GRM5: variants seen among roughly 807,000 people sequenced by gnomAD.
The protein encoded by GRM5 is glutamate metabotropic receptor 5, also known as metabotropic glutamate receptor 5.
GRM5 carries 19 observed loss-of-function variants against 83.1 expected under a neutral mutation model. The ratio of observed to expected loss-of-function variants is 0.23; its 90% confidence interval spans 0.16 to 0.34. The LOEUF (loss-of-function observed/expected upper bound fraction) is 0.34. Among genes scored for constraint, GRM5 ranks in the 10% least tolerant of loss-of-function variants. The probability of loss-of-function intolerance (pLI) is 1.00; values close to 1 mark genes in which losing one functional copy is unlikely to be tolerated. For missense variants in GRM5, 1,160 were observed against 1,588.3 expected, an observed-to-expected ratio of 0.73 and a Z score of 4.58; for synonymous variants, 675 against 633.6, an observed-to-expected ratio of 1.07 and a Z score of -0.98.
chr11:88,961,590 A>C (rs1435110208), intron 2 of GRM5, among the ~76,000 whole-genome samples: 1 of 152,192 alleles, frequency 6.6e-6, no homozygotes, highest in Non-Finnish European at 1.5e-5. Flanking sequence ...TTTAATGAGA[A>C]GTATGGGCAA....
Position 88,932,302 on chromosome 11 carries a change from A to G in GRM5, c.662-82147T>C, listed in dbSNP as rs549323918. 1.2e-4 allele frequency among the ~76,000 whole-genome samples: 19 copies of G among 152,190 alleles called. No individual in the cohort carries two copies. The South Asian group carries it at 3.9e-3, about 32-fold the overall frequency. ...GGATGCACAAATTAAAAAGAATCTT[A>G]TGTTAGTATATATAAACACAAATAT... On this transcript the variant is annotated intron_variant, in intron 2 of 9. Coordinates refer to ENST00000305447, the MANE Select transcript of GRM5 (RefSeq NM_001143831.3).
intron 4 of GRM5, among the ~76,000 whole-genome samples, chr11:88,648,178 T>A (rs974624830): frequency 5.3e-5 from 8 of 152,098 alleles, no homozygotes; most frequent in African/African-American, 9.6e-5. Context: ...ACTATAAATC[T>A]TGCTGCTATA....
chr11:88,753,466 C>T (rs1942327727), intron 3 of GRM5, among the ~76,000 whole-genome samples: 1 of 150,214 alleles, frequency 6.7e-6, no homozygotes, highest in South Asian at 2.1e-4. Flanking sequence ...ATGGCGAGAT[C>T]GTTGGTAGAA....
chr11:88,570,805 G>C (rs1445402461), intron 7 of GRM5, among the ~76,000 whole-genome samples: 1 of 151,206 alleles, frequency 6.6e-6, no homozygotes, highest in Non-Finnish European at 1.5e-5. Context: ...TGCCCTGAGT[G>C]ATCCACCTTC....
chr11:88,808,910 T>C (rs1255032086), intron 3 of GRM5, among the ~76,000 whole-genome samples: 3 of 152,018 alleles, frequency 2.0e-5, no homozygotes, highest in Non-Finnish European at 4.4e-5. Context: ...TTATGAGAAA[T>C]AATTGTTTGG....
chr11:88,512,333 G>A (rs1431860060), intron 9 of GRM5: 4 of 154,306 alleles, frequency 2.6e-5, no homozygotes, highest in East Asian at 1.9e-4. Context: ...GACACCCAGA[G>A]AAATGGAGTC....
rs1941278182 is a variant in GRM5, at chr11:88,509,131, G to A, written c.3100C>T (p.Arg1034Cys). 1.3e-6 allele frequency: 2 copies of A among 1,542,722 alleles called. No individual in the cohort carries two copies. Among genetic ancestry groups the A allele is most frequent in the Non-Finnish European group, 1.7e-6 (2 of 1,144,900 alleles). The change falls in exon 10 of 10, where the codon CGC becomes TGC. Residue 1034 changes from arginine (R) to cysteine (C), a missense_variant. Transcript: ENST00000305447. Reference protein sequence around the residue: ...TLSHRAGSASRTDDDVPSLHS... With the variant: ...TLSHRAGSASCTDDDVPSLHS... ...AGCGACGGCACATCGTCGTCCGTGC[G>A]GCTGGCCGAGCCCGCGCGGTGGCTC...
Position 88,970,166 on chromosome 11 carries a change from T to C in GRM5, c.661+77046A>G, listed in dbSNP as rs573201893. ...ATATTAGTTTAAGATGTTGTGTGTGTTTGTGTAACTTGAATAAGCTTCTGT... is the reference window on the plus strand; with the variant it reads ...ATATTAGTTTAAGATGTTGTGTGTGCTTGTGTAACTTGAATAAGCTTCTGT... On this transcript the variant is annotated intron_variant, in intron 2 of 9. Transcript: ENST00000305447. Among the ~76,000 whole-genome samples the C allele has an allele frequency of 4.6e-5, 7 of 152,244 alleles. 1 individual carries two copies. In the South Asian group the frequency reaches 1.2e-3, roughly 27 times the overall value.
intron 6 of GRM5, among the ~76,000 whole-genome samples, chr11:88,596,755 T>C (rs1175683616): frequency 6.6e-6 from 1 of 152,126 alleles, no homozygotes; most frequent in Non-Finnish European, 1.5e-5. Context: ...TGATATTGCT[T>C]ATCTGTGTCC....
intron 3 of GRM5, among the ~76,000 whole-genome samples, chr11:88,746,089 C>T (rs1341208623): frequency 6.6e-6 from 1 of 152,096 alleles, no homozygotes; most frequent in Non-Finnish European, 1.5e-5. Flanking sequence ...TGGTTCCAAC[C>T]TTTGCTAATC....
chr11:88,955,988 T>C (rs751103469), intron 2 of GRM5, among the ~76,000 whole-genome samples: 1 of 152,254 alleles, frequency 6.6e-6, no homozygotes, highest in Non-Finnish European at 1.5e-5. Context: ...CAAATTATTT[T>C]TTTAAAAATT....
intron 2 of GRM5, among the ~76,000 whole-genome samples, chr11:88,913,547 T>C (rs1945537060): frequency 1.3e-5 from 2 of 149,434 alleles, no homozygotes; most frequent in African/African-American, 2.5e-5. Flanking sequence ...GTCCCTCTTT[T>C]ACAGTTCCAT....
chr11:89,035,748 A>C (rs1437619617), intron 2 of GRM5, among the ~76,000 whole-genome samples: 1 of 152,058 alleles, frequency 6.6e-6, no homozygotes, highest in Non-Finnish European at 1.5e-5. Context: ...TTCATAAATA[A>C]GTTATATATT....
At chr11:88,510,752 G>A (rs1232935971) in intron 9 of GRM5, among the ~76,000 whole-genome samples, 1 of 152,218 alleles carries the variant, frequency 6.6e-6, no homozygotes, top group Non-Finnish European at 1.5e-5. Flanking sequence ...CTGACCTCAA[G>A]TGATCAACCT....
At chr11:88,871,738 G>T (rs7932794) in intron 2 of GRM5, among the ~76,000 whole-genome samples, 1 of 151,440 alleles carries the variant, frequency 6.6e-6, no homozygotes, top group Non-Finnish European at 1.5e-5. Flanking sequence ...ATTCTTCAGA[G>T]TTATTTAAAA....
intron 3 of GRM5, among the ~76,000 whole-genome samples, chr11:88,738,660 T>C (rs1565208471): frequency 6.6e-6 from 1 of 152,230 alleles, no homozygotes; most frequent in East Asian, 1.9e-4. Context: ...TGATCCTTCC[T>C]TCCACCTCAT....
intron 2 of GRM5, among the ~76,000 whole-genome samples, chr11:88,918,595 A>G (rs1248345906): frequency 6.6e-6 from 1 of 152,106 alleles, no homozygotes; most frequent in African/African-American, 2.4e-5. Flanking sequence ...CAAATATAAA[A>G]TACTGTAACT....
intron 2 of GRM5, among the ~76,000 whole-genome samples, chr11:88,991,982 G>A (rs1399620535): frequency 6.6e-6 from 1 of 152,104 alleles, no homozygotes; most frequent in Non-Finnish European, 1.5e-5. Flanking sequence ...AACACCAAAA[G>A]CAATGGCAAC....
intron 8 of GRM5, 77 bp from the exon 9 acceptor site, chr11:88,525,481 G>T: frequency 1.1e-6 from 1 of 894,780 alleles, no homozygotes; most frequent in Non-Finnish European, 1.8e-6. Flanking sequence ...AGGAACGGCC[G>T]TGACTGTGGA....
Sources: gnomAD v4.1 joint callset for allele counts (sites outside exome capture counted in the v4.1 genomes callset) on GRCh38, gnomAD v4.1.1 for gene constraint, MANE v1.5 for transcripts, NCBI Gene and HGNC (gene_info 2026-07-23, HGNC 2026-07-21) for gene names.